SPICE1: variants seen among roughly 807,000 people sequenced by gnomAD.
The protein encoded by SPICE1 is spindle and centriole associated protein 1.
A neutral mutation model predicts 102.7 loss-of-function variants in SPICE1; 75 were observed. That is an observed-to-expected ratio of 0.73 (90% CI 0.61 to 0.88). The LOEUF (loss-of-function observed/expected upper bound fraction) is 0.88, where lower values mean the gene tolerates loss of function less well. Ranked by LOEUF, SPICE1 falls within the 40% of genes least tolerant of loss-of-function variation. SPICE1 has a pLI of 0.00. For missense variants in SPICE1, 979 were observed against 1,020.1 expected (o/e 0.96, Z 0.55); for synonymous variants, 308 against 350.3 (o/e 0.88, Z 1.35).
intron 6 of SPICE1, among the ~76,000 whole-genome samples, chr3:113,489,664 G>A (rs1270161835): frequency 6.6e-6 from 1 of 151,916 alleles, no homozygotes; most frequent in Non-Finnish European, 1.5e-5. Flanking sequence ...TGAACAACAT[G>A]GCGAAACCAT....
intron 1 of SPICE1, among the ~76,000 whole-genome samples, chr3:113,513,559 G>T (rs893679826): frequency 2.0e-5 from 3 of 152,068 alleles, no homozygotes; most frequent in Non-Finnish European, 4.4e-5. Context: ...TATATAACTG[G>T]TTGACTCGAT....
intron 7 of SPICE1, among the ~76,000 whole-genome samples, chr3:113,478,729 A>G (rs1936420814): frequency 6.6e-6 from 1 of 152,202 alleles, no homozygotes; most frequent in Non-Finnish European, 1.5e-5. Flanking sequence ...GTATTCAACA[A>G]TATAATCAGT....
At chr3:113,508,559 T>C (rs1045553722) in intron 1 of SPICE1, among the ~76,000 whole-genome samples, 1 of 152,160 alleles carries the variant, frequency 6.6e-6, no homozygotes, top group Non-Finnish European at 1.5e-5. Flanking sequence ...CCAATCAAGA[T>C]ACCACCTCAC....
Position 113,503,224 on chromosome 3 carries a change from T to C in SPICE1, c.103A>G (p.Thr35Ala). 6.3e-7 allele frequency: 1 copy of C among 1,577,916 alleles called. No individual in the cohort carries two copies. The highest frequency in any genetic ancestry group is 8.6e-7 in the Non-Finnish European group (1 of 1,168,204). ...CGATGAACGGTTAGATCAGTCACGGTATTCTGTAAAAAAAGGTGGCCTTTC... is the reference window on the plus strand; with the variant it reads ...CGATGAACGGTTAGATCAGTCACGGCATTCTGTAAAAAAAGGTGGCCTTTC... ...KTSVKQEWDN[T>A]VTDLTVHRAT... Residue 35 changes from threonine (T) to alanine (A), a missense_variant, in exon 3 of 18, where the codon ACC becomes GCC. Physicochemically the swap from Thr to Ala is moderately conservative, Grantham distance 58. Coordinates refer to ENST00000295872, the MANE Select transcript of SPICE1 (RefSeq NM_144718.4).
chr3:113,461,851 T>C (rs1363227751), intron 11 of SPICE1, among the ~76,000 whole-genome samples: 1 of 152,194 alleles, frequency 6.6e-6, no homozygotes, highest in Admixed American at 6.5e-5. Context: ...GAATGAAGTA[T>C]AGTAAACATT....
intron 4 of SPICE1, among the ~76,000 whole-genome samples, chr3:113,497,575 T>C (rs146281216): frequency 3.9e-5 from 6 of 151,958 alleles, no homozygotes; most frequent in African/African-American, 4.8e-5. Context: ...TCAAATTACA[T>C]AGGAACTGTC....
chr3:113,446,702 A>G, intron 16 of SPICE1, 26 bp from the exon 17 acceptor site: 1 of 1,540,734 alleles, frequency 6.5e-7, no homozygotes, highest in East Asian at 2.3e-5. Flanking sequence ...AAAACAGAGT[A>G]AGAGAGTGAG....
intron 7 of SPICE1, among the ~76,000 whole-genome samples, chr3:113,480,769 T>C (rs1238917075): frequency 1.3e-5 from 2 of 151,826 alleles, no homozygotes; most frequent in African/African-American, 4.8e-5. Context: ...TAGTCCCGGC[T>C]ACTAGAGGCT....
At chr3:113,475,488 G>A (rs1369407792) in intron 7 of SPICE1, among the ~76,000 whole-genome samples, 2 of 151,668 alleles carry the variant, frequency 1.3e-5, no homozygotes, top group Non-Finnish European at 2.9e-5. Flanking sequence ...CCAAAAAAGA[G>A]AATTTTAGAC....
chr3:113,489,254 T>C (rs565536706), intron 6 of SPICE1, among the ~76,000 whole-genome samples, 191 bp from the exon 7 acceptor site: 75 of 152,252 alleles, frequency 4.9e-4, no homozygotes, highest in Non-Finnish European at 8.8e-5. Flanking sequence ...TCAACATCTG[T>C]CTCTGTAGTG....
intron 16 of SPICE1, 82 bp downstream of exon 16, chr3:113,447,956 C>T: frequency 1.7e-5 from 22 of 1,302,538 alleles, no homozygotes; most frequent in Non-Finnish European, 2.1e-5. Context: ...CTGTACACTT[C>T]CTTTTTTCAC....
At chr3:113,501,884 C>A (rs1300106162) in intron 3 of SPICE1, among the ~76,000 whole-genome samples, 1 of 152,150 alleles carries the variant, frequency 6.6e-6, no homozygotes, top group African/African-American at 2.4e-5. Flanking sequence ...TATGACTCAG[C>A]AATTTTACTC....
Position 113,509,141 on chromosome 3 carries a change from T to C in SPICE1, c.1-2536A>G, listed in dbSNP as rs185649079. Among the ~76,000 whole-genome samples the C allele has an allele frequency of 5.9e-5, 9 of 152,264 alleles. No homozygotes were observed. In the East Asian group the frequency reaches 1.5e-3, roughly 26 times the overall value. ...GTGTTTCTTTGGGGAGTGAAGAAAA[T>C]GTTCTGAAATTAGATAGTAATGTTA... On this transcript the variant is annotated intron_variant, in intron 1 of 17. Transcript: ENST00000295872.
At position 113,445,448 on chromosome 3, in the gene SPICE1, TA is replaced by T. The variant is rs969514280; in HGVS notation, c.2515-89del. On this transcript the variant is annotated intron_variant, in intron 17 of 17. Transcript: ENST00000295872. ...TTACAGATCATTTAGACCAAGTGCA[TA>T]AAACAAAGTCATCCTGTGCCATTGA... 35 of 1,057,994 alleles carry T rather than the reference TA, an allele frequency of 3.3e-5. No individual in the cohort carries two copies. The African/African-American group carries it at 5.0e-4, about 15-fold the overall frequency. 65.5% of individuals were successfully genotyped at this position (1,057,994 alleles called of 1,614,324 possible). A position where few individuals can be genotyped will look rare whatever the true frequency, so the allele number is the denominator to read the frequency against.
intron 1 of SPICE1, among the ~76,000 whole-genome samples, chr3:113,510,975 G>C (rs952447347): frequency 1.3e-5 from 2 of 152,124 alleles, no homozygotes; most frequent in African/African-American, 4.8e-5. Context: ...CTTCTCAAAA[G>C]AAGACATTTA....
chr3:113,456,793 TG>T lies in SPICE1; in HGVS notation c.1657+342del, dbSNP rs549062874. 9.8e-4 allele frequency among the ~76,000 whole-genome samples: 150 copies of T among 152,346 alleles called. 2 individuals are homozygous for T. The South Asian group carries it at 0.018, about 18-fold the overall frequency. The stretch of plus-strand genomic sequence containing the variant: ...CCTTAGTCTAACTTTCATTACTCTT[TG>T]GAGTATAATCTCCTGCTTCTAACTC... On this transcript the variant is annotated intron_variant, in intron 13 of 17. Coordinates refer to ENST00000295872, the MANE Select transcript of SPICE1 (RefSeq NM_144718.4).
chr3:113,445,161 T>C lies in SPICE1; in HGVS notation c.*146A>G, dbSNP rs1325524558. ...CTTATTTGAGAAAGTCAAAAAATAA[T>C]TGCTTTATTTCTCTGTTTCATTAGT... On this transcript the variant is annotated 3_prime_UTR_variant, in exon 18 of 18. Coordinates refer to ENST00000295872, the MANE Select transcript of SPICE1 (RefSeq NM_144718.4). The C allele has an allele frequency of 1.8e-6, 1 of 546,712 alleles. No individual in the cohort carries two copies. The highest frequency in any genetic ancestry group is 3.0e-6 in the Non-Finnish European group (1 of 329,640). 33.9% of individuals were successfully genotyped at this position (546,712 alleles called of 1,614,324 possible).
intron 11 of SPICE1, among the ~76,000 whole-genome samples, chr3:113,462,270 G>A (rs559531630): frequency 3.3e-5 from 5 of 152,244 alleles, no homozygotes; most frequent in South Asian, 2.1e-4. Context: ...GTCCCATACT[G>A]TTCCCAAACT....
intron 7 of SPICE1, among the ~76,000 whole-genome samples, chr3:113,488,503 G>T (rs531017891): frequency 6.6e-6 from 1 of 152,286 alleles, no homozygotes; most frequent in East Asian, 1.9e-4. Context: ...ACTGAGGAAT[G>T]GAAAACCAAA....
Sources: gnomAD v4.1 joint callset for allele counts (sites outside exome capture counted in the v4.1 genomes callset) on GRCh38, gnomAD v4.1.1 for gene constraint, MANE v1.5 for transcripts, NCBI Gene and HGNC (gene_info 2026-07-23, HGNC 2026-07-21) for gene names.